The following SETDB2 variants were observed in gnomAD, a reference collection of about 807,000 sequenced individuals.
SETDB2 encodes the protein SET domain bifurcated histone lysine methyltransferase 2.
A neutral mutation model predicts 82.5 loss-of-function variants in SETDB2; 56 were observed. The observed-to-expected ratio is 0.68, with a 90% CI of 0.55 to 0.85. The LOEUF (loss-of-function observed/expected upper bound fraction) is 0.85. SETDB2 is among the 40% of genes least tolerant of loss of function. SETDB2 has a pLI of 0.00. For missense variants in SETDB2, 677 were observed against 816.4 expected (o/e 0.83, Z 2.08); for synonymous variants, 272 against 284.9 (o/e 0.95, Z 0.46).
intron 4 of SETDB2, among the ~76,000 whole-genome samples, chr13:49,463,028 C>T (rs894896383): frequency 5.3e-5 from 8 of 152,010 alleles, no homozygotes; most frequent in Non-Finnish European, 8.8e-5. Context: ...TTTCTTGAGA[C>T]GAAATCTTGC....
chr13:49,486,303 C>CAAA (rs113127035), intron 11 of SETDB2, among the ~76,000 whole-genome samples: 19,450 of 147,470 alleles, frequency 0.13, 1,496 homozygotes, highest in African/African-American at 0.19. Context: ...GACCCTGTCT[C>CAAA]AAAAAAAAAA....
Position 49,460,200 on chromosome 13 carries a change from A to G in SETDB2, c.110A>G (p.Gln37Arg). 6.2e-7 allele frequency: 1 copy of G among 1,613,268 alleles called. No individual in the cohort carries two copies. Among genetic ancestry groups the G allele is most frequent in the Non-Finnish European group, 8.5e-7 (1 of 1,179,608 alleles). ...CAAAATGTGCTGCAGTCACTGAAAC[A>G]AAAGATCAAAGATGGGTCTGCCACC... ...QVQNVLQSLK[Q>R]KIKDGSATNK... Residue 37 changes from glutamine to arginine, a missense_variant, in exon 3 of 14, where the codon CAA (glutamine) becomes CGA (arginine). By Grantham distance (43) the Gln-to-Arg change is conservative. Transcript: ENST00000611815.
chr13:49,466,174 C>A (rs1292886755), intron 4 of SETDB2, among the ~76,000 whole-genome samples: 4 of 152,070 alleles, frequency 2.6e-5, no homozygotes, highest in African/African-American at 9.7e-5. Flanking sequence ...TGTCTCAGGC[C>A]TATAATCCCA....
intron 5 of SETDB2, among the ~76,000 whole-genome samples, chr13:49,471,659 C>T (rs1199371179): frequency 6.6e-6 from 1 of 151,700 alleles, no homozygotes; most frequent in African/African-American, 2.4e-5. Context: ...TTTTTAAAAA[C>T]ATGCACACAC....
chr13:49,460,989 T>C (rs1264643869), intron 3 of SETDB2, 108 bp from the exon 4 acceptor site: 2 of 805,604 alleles, frequency 2.5e-6, no homozygotes, highest in Non-Finnish European at 4.0e-6. Context: ...TATTAACCTC[T>C]CAGAGGAATA....
intron 6 of SETDB2, among the ~76,000 whole-genome samples, chr13:49,478,548 C>T (rs190121669): frequency 2.6e-5 from 4 of 152,204 alleles, no homozygotes; most frequent in Admixed American, 2.6e-4. Flanking sequence ...GCATGAGTCC[C>T]GACAAGTAGA....
chr13:49,451,553 A>G lies in SETDB2; in HGVS notation c.-341A>G, dbSNP rs1485308167. ...CTATTCTTTATTGTTTTCCTTACAG[A>G]ATGTTTCATCCATTTGTGGACCAAA... On this transcript the variant is annotated splice_region_variant and 5_prime_UTR_variant, in exon 2 of 14. Coordinates refer to ENST00000611815, the MANE Select transcript of SETDB2 (RefSeq NM_001160308.3). 1 of 154,186 alleles carries G rather than the reference A, an allele frequency of 6.5e-6. No individual in the cohort carries two copies. The highest frequency in any genetic ancestry group is 1.4e-5 in the Non-Finnish European group (1 of 70,678). 9.6% of individuals were successfully genotyped at this position (154,186 alleles called of 1,614,324 possible).
chr13:49,446,419 C>T (rs780236277), intron 1 of SETDB2: 20 of 456,362 alleles, frequency 4.4e-5, no homozygotes, highest in Non-Finnish European at 8.8e-5. Flanking sequence ...TCACTCCTCT[C>T]CCTCCCTACT....
chr13:49,472,882 C>G (rs1424995091), intron 5 of SETDB2, among the ~76,000 whole-genome samples: 1 of 151,974 alleles, frequency 6.6e-6, no homozygotes, highest in Non-Finnish European at 1.5e-5. Context: ...TCTTGTATCT[C>G]CTAGTTTTTA....
chr13:49,451,989 T>G, intron 2 of SETDB2, 80 bp downstream of exon 2: 1 of 1,099,268 alleles, frequency 9.1e-7, no homozygotes, highest in Non-Finnish European at 1.3e-6. Context: ...TGTGGAATTG[T>G]CAAGGTTTTG....
Position 49,488,579 on chromosome 13 carries a change from T to C in SETDB2, c.1866T>C (p.Asn622=), listed in dbSNP as rs1286250704. The change falls in exon 12 of 14, where the codon AAT becomes AAC. Residue 622 remains asparagine, a synonymous_variant. Coordinates refer to ENST00000611815, the MANE Select transcript of SETDB2 (RefSeq NM_001160308.3). ...CTCTAACAAAGTTCAATAAAGGGAA[T>C]GTGTTTTTATTGGATGCCACAAAAG... ...SDSLTKFNKG[N]VFLLDATKEG... 1 of 1,610,044 alleles carries C rather than the reference T, an allele frequency of 6.2e-7. No individual in the cohort carries two copies. Among genetic ancestry groups the C allele is most frequent in the East Asian group, 2.2e-5 (1 of 44,844 alleles).
intron 7 of SETDB2, 24 bp downstream of exon 7, chr13:49,480,359 G>A (rs1428064742): frequency 2.1e-6 from 3 of 1,446,012 alleles, no homozygotes; most frequent in South Asian, 2.5e-5. Context: ...AGGATTTGTT[G>A]CAGGGTGTGT....
At chr13:49,457,427 T>G (rs540440007) in intron 2 of SETDB2, among the ~76,000 whole-genome samples, 1 of 136,570 alleles carries the variant, frequency 7.3e-6, no homozygotes, top group Admixed American at 8.2e-5. Context: ...GTATTGGCAT[T>G]TCTAAGACTT....
In SETDB2 at chr13:49,467,976, CTTT is replaced by C. The variant is rs781052073; in HGVS notation, c.305+17_305+19del. 1.0e-5 allele frequency: 16 copies of C among 1,527,042 alleles called. No individual in the cohort carries two copies. The highest frequency in any genetic ancestry group is 1.4e-5 in the Non-Finnish European group (16 of 1,121,840). The allele number at this position is 1,527,042 out of a possible 1,614,324, so 94.6% of individuals were successfully genotyped here. On this transcript the variant is annotated intron_variant, in intron 5 of 13. Coordinates refer to ENST00000611815, the MANE Select transcript of SETDB2 (RefSeq NM_001160308.3). ...GTACATTTCTGTATGTATATAAATTCTTTGTTATTAATGCTTTTGCTCCTACAG... is the reference window on the plus strand; with the variant it reads ...GTACATTTCTGTATGTATATAAATTCGTTATTAATGCTTTTGCTCCTACAG...
At chr13:49,488,824 A>T in intron 12 of SETDB2, 194 bp downstream of exon 12, 1 of 501,784 alleles carries the variant, frequency 2.0e-6, no homozygotes, top group Non-Finnish European at 3.5e-6. Context: ...ACAGGGATAA[A>T]TGATAACTGT....
intron 2 of SETDB2, among the ~76,000 whole-genome samples, chr13:49,452,858 A>T (rs908820056): frequency 3.3e-5 from 5 of 152,092 alleles, no homozygotes; most frequent in African/African-American, 1.2e-4. Flanking sequence ...TGTCATTTTC[A>T]TCACATCATA....
At chr13:49,462,262 C>G (rs73188668) in intron 4 of SETDB2, among the ~76,000 whole-genome samples, 8,975 of 152,280 alleles carry the variant, frequency 0.059, 425 homozygotes, top group East Asian at 0.23. Context: ...ATTAACCATG[C>G]CTTTGTCAGA....
chr13:49,449,708 G>A lies in SETDB2; in HGVS notation c.-341-1845G>A, dbSNP rs1051557044. 3.9e-5 allele frequency among the ~76,000 whole-genome samples: 6 copies of A among 151,988 alleles called. No homozygotes were observed. In the East Asian group the frequency reaches 7.7e-4, roughly 20 times the overall value. ...CTTCTACTTTGCTTTCTCTCATCTT[G>A]AAACAATCCCTTCCATCTCTCCTCC... On this transcript the variant is annotated intron_variant, in intron 1 of 13. Transcript: ENST00000611815.
intron 5 of SETDB2, among the ~76,000 whole-genome samples, chr13:49,468,873 A>AT (rs903400792): frequency 2.7e-4 from 41 of 150,742 alleles, no homozygotes; most frequent in African/African-American, 5.8e-4. Context: ...CTCACAAAAC[A>AT]TTTTTTTTTC....
Sources: allele counts gnomAD v4.1 joint callset (sites outside exome capture counted in the v4.1 genomes callset), GRCh38; gene constraint gnomAD v4.1.1; transcripts MANE v1.5; gene names NCBI Gene and HGNC (gene_info 2026-07-23, HGNC 2026-07-21).